The following PANX1 variants were observed in gnomAD, a reference collection of about 807,000 sequenced individuals.
PANX1 encodes pannexin-1.
In PANX1, 30 loss-of-function variants were observed where a neutral mutation model predicts 38.7. The ratio of observed to expected loss-of-function variants is 0.78; its 90% CI spans 0.58 to 1.05. PANX1 has a LOEUF of 1.05. Ranked by LOEUF, PANX1 falls within the 50% of genes least tolerant of loss-of-function variation. The probability of loss-of-function intolerance (pLI) is 0.00; values close to 1 mark genes in which losing one functional copy is unlikely to be tolerated. For missense variants in PANX1, 551 were observed against 517.2 expected (o/e 1.07, Z -0.63); for synonymous variants, 230 against 212.2 (o/e 1.08, Z -0.73).
intron 2 of PANX1, among the ~76,000 whole-genome samples, chr11:94,162,362 T>G (rs1208782560): frequency 6.6e-6 from 1 of 152,194 alleles, no homozygotes; most frequent in Non-Finnish European, 1.5e-5. Context: ...TGTGGTGGGC[T>G]CCACCCATTT....
In PANX1 at chr11:94,153,370, T is replaced by G. The variant is rs1000085824; in HGVS notation, c.182-121T>G. On this transcript the variant is annotated intron_variant, in intron 1 of 4. Coordinates refer to ENST00000227638, the MANE Select transcript of PANX1 (RefSeq NM_015368.4). Reference sequence around the variant, plus strand: ...TGGGTGTTTGTTTTTAGTTCTGTCCTAATGTCTCCACCTCCTGTCCTGGTG... The same window carrying G: ...TGGGTGTTTGTTTTTAGTTCTGTCCGAATGTCTCCACCTCCTGTCCTGGTG... The G allele has an allele frequency of 4.1e-6, 4 of 985,442 alleles. No homozygotes were observed. The African/African-American group carries it at 4.9e-5, about 12-fold the overall frequency. 61.0% of individuals were successfully genotyped at this position (985,442 alleles called of 1,614,324 possible).
chr11:94,179,601 G>A lies in PANX1; in HGVS notation c.546-1G>A. On this transcript the variant is annotated splice_acceptor_variant, in intron 3 of 4. Coordinates refer to ENST00000227638, the MANE Select transcript of PANX1 (RefSeq NM_015368.4). LOFTEE classifies it high-confidence loss of function. ...TTATTTTTGTTTCCTTTATTTTTTA[G>A]TTTGTGGGAGGTATCTGAAAGCCAC... 1 of 1,611,006 alleles carries A rather than the reference G, an allele frequency of 6.2e-7. No individual in the cohort carries two copies. Among genetic ancestry groups the A allele is most frequent in the Non-Finnish European group, 8.5e-7 (1 of 1,177,858 alleles).
chr11:94,135,263 T>G lies in PANX1; in HGVS notation c.181+5770T>G, dbSNP rs1343833286. ...TGGGTAGAGAAGGACTTAGTCTTTC[T>G]GAGTTAGCACTGCTCTTTTGCTATC... On this transcript the variant is annotated intron_variant, in intron 1 of 4. Transcript: ENST00000227638. Among the ~76,000 whole-genome samples, 5 of 152,240 alleles carry G rather than the reference T, an allele frequency of 3.3e-5. 1 individual carries two copies. The South Asian group carries it at 8.3e-4, about 25-fold the overall frequency.
intron 2 of PANX1, among the ~76,000 whole-genome samples, chr11:94,156,600 T>G (rs756182888): frequency 5.9e-5 from 9 of 151,604 alleles, no homozygotes; most frequent in Non-Finnish European, 1.3e-4. Context: ...ATGACAGAGA[T>G]CGGGGATTAC....
At chr11:94,131,674 GA>G (rs1184244311) in intron 1 of PANX1, among the ~76,000 whole-genome samples, 1 of 152,206 alleles carries the variant, frequency 6.6e-6, no homozygotes, top group Admixed American at 6.5e-5. Context: ...CATGTGGGAT[GA>G]AGCTAACAGG....
chr11:94,180,382 A>C, intron 4 of PANX1, 125 bp downstream of exon 4: 1 of 810,678 alleles, frequency 1.2e-6, no homozygotes, highest in Non-Finnish European at 1.9e-6. Flanking sequence ...AAAAACCTTA[A>C]TACCAAGGTG....
At chr11:94,134,328 G>A (rs79497629) in intron 1 of PANX1, among the ~76,000 whole-genome samples, 1,815 of 152,238 alleles carry the variant, frequency 0.012, 35 homozygotes, top group African/African-American at 0.041. Flanking sequence ...TTCATTGATG[G>A]GGGGAGAGGT....
At chr11:94,176,935 G>C (rs1947241497) in intron 2 of PANX1, among the ~76,000 whole-genome samples, 1 of 151,656 alleles carries the variant, frequency 6.6e-6, no homozygotes, top group Non-Finnish European at 1.5e-5. Context: ...TTGCTGTGAG[G>C]ACTGAACATA....
Position 94,179,624 on chromosome 11 carries a change from C to T in PANX1, c.568C>T (p.His190Tyr), listed in dbSNP as rs1947279060. 6.2e-7 allele frequency: 1 copy of T among 1,613,274 alleles called. No homozygotes were observed. The highest frequency in any genetic ancestry group is 1.3e-5 in the African/African-American group (1 of 74,872). Residue 190 changes from histidine to tyrosine, a missense_variant, in exon 4 of 5, where the codon CAC (histidine) becomes TAC (tyrosine). Coordinates refer to ENST00000227638, the MANE Select transcript of PANX1 (RefSeq NM_015368.4). The part of the protein sequence containing the change: ...GQSLWEVSES[H>Y]FKYPIVEQYL... The stretch of plus-strand genomic sequence containing the variant: ...TAGTTTGTGGGAGGTATCTGAAAGC[C>T]ACTTCAAGTACCCAATTGTGGAGCA...
At chr11:94,147,161 T>A (rs950194122) in intron 1 of PANX1, among the ~76,000 whole-genome samples, 2 of 152,212 alleles carry the variant, frequency 1.3e-5, no homozygotes, top group African/African-American at 4.8e-5. Context: ...AAATAAAATA[T>A]TTAATTTTAA....
At chr11:94,131,176 C>G (rs1191405554) in intron 1 of PANX1, among the ~76,000 whole-genome samples, 1 of 152,116 alleles carries the variant, frequency 6.6e-6, no homozygotes, top group Non-Finnish European at 1.5e-5. Flanking sequence ...AGGTGCAAGT[C>G]TTGGGTACCT....
intron 1 of PANX1, among the ~76,000 whole-genome samples, chr11:94,139,530 TGAG>T (rs1441725373): frequency 1.3e-5 from 2 of 152,228 alleles, no homozygotes; most frequent in Non-Finnish European, 2.9e-5. Context: ...ACTCTGCTGA[TGAG>T]GTCACTGATG....
intron 1 of PANX1, among the ~76,000 whole-genome samples, chr11:94,131,904 G>A (rs71482704): frequency 0.026 from 4,032 of 152,288 alleles, 86 homozygotes; most frequent in Non-Finnish European, 0.043. Context: ...TAATTGAAAT[G>A]GAGCTGGCAC....
At chr11:94,134,563 T>C (rs1946664971) in intron 1 of PANX1, among the ~76,000 whole-genome samples, 1 of 152,068 alleles carries the variant, frequency 6.6e-6, no homozygotes, top group Non-Finnish European at 1.5e-5. Context: ...GGTAATTAGG[T>C]TTGGATGAGA....
chr11:94,160,305 C>G (rs977618439), intron 2 of PANX1, among the ~76,000 whole-genome samples: 1 of 152,144 alleles, frequency 6.6e-6, no homozygotes, highest in Non-Finnish European at 1.5e-5. Flanking sequence ...TCTCGTTGCT[C>G]TGTCTAATGT....
At chr11:94,138,912 C>CCTTA (rs1475254806) in intron 1 of PANX1, among the ~76,000 whole-genome samples, 1 of 152,118 alleles carries the variant, frequency 6.6e-6, no homozygotes, top group African/African-American at 2.4e-5. Context: ...CATAGCCCAT[C>CCTTA]CTTAGGTCTA....
chr11:94,150,145 TAAC>T (rs924688076), intron 1 of PANX1, among the ~76,000 whole-genome samples: 2 of 152,090 alleles, frequency 1.3e-5, no homozygotes, highest in African/African-American at 2.4e-5. Context: ...GGCATTGACT[TAAC>T]AAGCAGGTTC....
intron 1 of PANX1, among the ~76,000 whole-genome samples, chr11:94,152,776 T>G (rs1486341499): frequency 6.6e-6 from 1 of 152,202 alleles, no homozygotes; most frequent in Non-Finnish European, 1.5e-5. Flanking sequence ...ATCTTCAGTT[T>G]GCAGAGGAGA....
intron 1 of PANX1, among the ~76,000 whole-genome samples, chr11:94,133,514 T>C (rs1002739422): frequency 6.6e-6 from 1 of 151,992 alleles, no homozygotes; most frequent in African/African-American, 2.4e-5. Context: ...AGGAGACTCT[T>C]CTGAGTTGTG....
Sources: gnomAD v4.1 joint callset for allele counts (sites outside exome capture counted in the v4.1 genomes callset) on GRCh38, gnomAD v4.1.1 for gene constraint, MANE v1.5 for transcripts, NCBI Gene and HGNC (gene_info 2026-07-23, HGNC 2026-07-21) for gene names.